Variants in TUSC3 observed in about 807,000 individuals in gnomAD.
The protein encoded by TUSC3 is dolichyl-diphosphooligosaccharide--protein glycosyltransferase subunit TUSC3.
A neutral mutation model predicts 44.8 loss-of-function variants in TUSC3; 45 were observed. The ratio of observed to expected loss-of-function variants is 1.00; its 90% CI spans 0.79 to 1.29. TUSC3 has a LOEUF of 1.29. Among genes scored for constraint, TUSC3 ranks in the 50% most tolerant of loss-of-function variants. The pLI, the probability that TUSC3 is intolerant of heterozygous loss-of-function variation, is 0.00. For synonymous variants in TUSC3, 212 were observed against 152.9 expected, an observed-to-expected ratio of 1.39 and a Z score of -2.85; for missense variants, 519 against 437.9, an observed-to-expected ratio of 1.19 and a Z score of -1.65.
the TUSC3 span, among the ~76,000 whole-genome samples, chr8:15,815,574 G>A: frequency 2.6e-5 from 4 of 152,070 alleles, no homozygotes; most frequent in East Asian, 1.9e-4. Context: ...CAGAGGAAGA[G>A]TAATTAGACC....
At chr8:15,461,251 G>T (rs1800340722) in intron 1 of TUSC3, among the ~76,000 whole-genome samples, 1 of 151,870 alleles carries the variant, frequency 6.6e-6, no homozygotes, top group South Asian at 2.1e-4. Context: ...TCCTTGTTTA[G>T]GTATATTCCT....
chr8:15,710,457 A>C (rs569001553), intron 6 of TUSC3, among the ~76,000 whole-genome samples: 1 of 151,964 alleles, frequency 6.6e-6, no homozygotes, highest in African/African-American at 2.4e-5. Flanking sequence ...AAGGGCCTTC[A>C]TTCTACAGTG....
upstream of TUSC3, among the ~76,000 whole-genome samples, chr8:15,535,523 C>G (rs1355813446): frequency 1.3e-5 from 2 of 152,094 alleles, no homozygotes; most frequent in African/African-American, 4.8e-5. Context: ...TGGGAAAAGA[C>G]AAACAATTAT....
chr8:15,545,807 A>T (rs928236360), intron 1 of TUSC3, among the ~76,000 whole-genome samples: 1 of 151,694 alleles, frequency 6.6e-6, no homozygotes, highest in South Asian at 2.1e-4. Flanking sequence ...TTAGCCCTAC[A>T]TATTCATCGA....
At chr8:15,439,513 C>T (rs933472234) in intron 1 of TUSC3, among the ~76,000 whole-genome samples, 1 of 152,162 alleles carries the variant, frequency 6.6e-6, no homozygotes, top group Non-Finnish European at 1.5e-5. Context: ...ACCGTGGTTA[C>T]ACCACTGCCC....
At chr8:15,668,425 A>C (rs553536978) in intron 5 of TUSC3, among the ~76,000 whole-genome samples, 1 of 151,734 alleles carries the variant, frequency 6.6e-6, no homozygotes, top group East Asian at 1.9e-4. Context: ...TGACCATTCA[A>C]CAAGAGTTTG....
intron 1 of TUSC3, among the ~76,000 whole-genome samples, chr8:15,561,027 C>A: frequency 7.5e-6 from 1 of 133,214 alleles, no homozygotes; most frequent in African/African-American, 2.8e-5. Context: ...CTCCATCCAG[C>A]TTTGTTCCGT....
At chr8:15,567,891 G>C (rs546825566) in intron 1 of TUSC3, among the ~76,000 whole-genome samples, 31 of 152,270 alleles carry the variant, frequency 2.0e-4, no homozygotes, top group African/African-American at 7.5e-4. Context: ...TTGCATTTGG[G>C]TTGTTGGTAA....
chr8:15,648,146 A>G (rs1461578084), intron 2 of TUSC3, among the ~76,000 whole-genome samples: 4 of 152,034 alleles, frequency 2.6e-5, no homozygotes, highest in African/African-American at 9.7e-5. Context: ...GGTCCTTCTC[A>G]TTCTGTCATA....
chr8:15,796,329 T>C, the TUSC3 span, among the ~76,000 whole-genome samples: 1 of 152,200 alleles, frequency 6.6e-6, no homozygotes, highest in Non-Finnish European at 1.5e-5. Flanking sequence ...TGTGAATTAC[T>C]TTCACAGTTC....
intron 2 of TUSC3, among the ~76,000 whole-genome samples, chr8:15,487,914 T>C: frequency 6.6e-6 from 1 of 151,872 alleles, no homozygotes; most frequent in East Asian, 1.9e-4. Flanking sequence ...TTTTTTTTTT[T>C]TTTTACTGAA....
chr8:15,803,375 A>C, the TUSC3 span, among the ~76,000 whole-genome samples: 1 of 152,196 alleles, frequency 6.6e-6, no homozygotes. Flanking sequence ...AAAAATCAGT[A>C]ACTTCTTTCA....
chr8:15,655,074 G>T (rs1447893989), intron 3 of TUSC3, among the ~76,000 whole-genome samples: 1 of 152,164 alleles, frequency 6.6e-6, no homozygotes, highest in Admixed American at 6.5e-5. Context: ...GCAGACATGA[G>T]CAGGGCAGGA....
At chr8:15,771,098 G>T (rs143024580), downstream of TUSC3, among the ~76,000 whole-genome samples, 1 of 152,138 alleles carries the variant, frequency 6.6e-6, no homozygotes, top group East Asian at 1.9e-4. Flanking sequence ...AGGCAGAAAG[G>T]CATTTTACAG....
chr8:15,446,354 C>T (rs1330668519), intron 1 of TUSC3, among the ~76,000 whole-genome samples: 1 of 152,056 alleles, frequency 6.6e-6, no homozygotes, highest in Non-Finnish European at 1.5e-5. Context: ...GCAATCTCGG[C>T]ACTTTGGGAG....
chr8:15,816,295 T>C, the TUSC3 span, among the ~76,000 whole-genome samples: 3 of 152,168 alleles, frequency 2.0e-5, no homozygotes, highest in Non-Finnish European at 4.4e-5. Flanking sequence ...TTCTTTGAGT[T>C]GGGCCATCCA....
chr8:15,458,779 G>A (rs1800299295), intron 1 of TUSC3, among the ~76,000 whole-genome samples: 1 of 152,052 alleles, frequency 6.6e-6, no homozygotes, highest in South Asian at 2.1e-4. Context: ...TCTTCACTAG[G>A]GAAGAACCAT....
the TUSC3 span, among the ~76,000 whole-genome samples, chr8:15,810,957 G>T: frequency 1.3e-5 from 2 of 152,176 alleles, no homozygotes; most frequent in African/African-American, 2.4e-5. Context: ...TGAGTAAGGA[G>T]ACATGATCGT....
intron 1 of TUSC3, among the ~76,000 whole-genome samples, chr8:15,590,499 C>T (rs1227899049): frequency 1.3e-5 from 2 of 151,996 alleles, no homozygotes; most frequent in Non-Finnish European, 2.9e-5. Context: ...TTGCCAATTC[C>T]CCCATTAACA....
Sources: allele counts gnomAD v4.1 joint callset (sites outside exome capture counted in the v4.1 genomes callset), GRCh38; gene constraint gnomAD v4.1.1; transcripts MANE v1.5; gene names NCBI Gene and HGNC (gene_info 2026-07-23, HGNC 2026-07-21).